The following GLRA1 variants were observed in gnomAD, a reference collection of about 807,000 sequenced individuals.
GLRA1 encodes glycine receptor subunit alpha-1.
GLRA1 carries 37 observed loss-of-function variants against 48.3 expected under a neutral mutation model. The ratio of observed to expected loss-of-function variants is 0.77; its 90% CI spans 0.59 to 1.01. The LOEUF is 1.01. GLRA1 is among the 50% of genes least tolerant of loss of function. The pLI, the probability that GLRA1 is intolerant of heterozygous loss-of-function variation, is 0.00. For synonymous variants in GLRA1, 196 were observed against 210.7 expected (o/e 0.93, Z 0.60); for missense variants, 427 against 571.0 (o/e 0.75, Z 2.57).
chr5:151,854,209 A>G (rs1377085247), intron 6 of GLRA1, among the ~76,000 whole-genome samples: 1 of 152,226 alleles, frequency 6.6e-6, no homozygotes, highest in Non-Finnish European at 1.5e-5. Context: ...AGGTTCTGAA[A>G]CATCTCTGAG....
chr5:151,868,829 C>T (rs563373838), intron 3 of GLRA1, among the ~76,000 whole-genome samples: 2 of 152,328 alleles, frequency 1.3e-5, no homozygotes, highest in African/African-American at 4.8e-5. Flanking sequence ...TGCTTGTGGA[C>T]TGCCCAGATC....
intron 1 of GLRA1, among the ~76,000 whole-genome samples, chr5:151,911,166 C>G (rs970721252): frequency 6.6e-6 from 1 of 152,150 alleles, no homozygotes; most frequent in Non-Finnish European, 1.5e-5. Context: ...TTCTGCAAGC[C>G]TTTTTCCTTT....
intron 3 of GLRA1, among the ~76,000 whole-genome samples, chr5:151,863,962 C>T (rs935778552): frequency 4.6e-5 from 7 of 152,152 alleles, no homozygotes; most frequent in Admixed American, 2.0e-4. Flanking sequence ...GACATTTGGC[C>T]TCATAATCTC....
At chr5:151,831,651 CAG>C (rs1297403223) in intron 7 of GLRA1, among the ~76,000 whole-genome samples, 1 of 152,218 alleles carries the variant, frequency 6.6e-6, no homozygotes, top group African/African-American at 2.4e-5. Flanking sequence ...CAGCTCCAGT[CAG>C]GGGCTTATAG....
At chr5:151,862,321 TA>T (rs1753228814) in intron 3 of GLRA1, among the ~76,000 whole-genome samples, 1 of 152,152 alleles carries the variant, frequency 6.6e-6, no homozygotes, top group African/African-American at 2.4e-5. Context: ...CTAAAACCAT[TA>T]AAACCCTAGA....
At chr5:151,862,387 TA>T (rs1368245694) in intron 3 of GLRA1, among the ~76,000 whole-genome samples, 3 of 152,210 alleles carry the variant, frequency 2.0e-5, no homozygotes, top group African/African-American at 7.2e-5. Flanking sequence ...ACTTCATGTC[TA>T]AAACACCAAA....
intron 3 of GLRA1, among the ~76,000 whole-genome samples, chr5:151,878,570 T>C (rs1753684563): frequency 6.6e-6 from 1 of 152,082 alleles, no homozygotes; most frequent in Non-Finnish European, 1.5e-5. Flanking sequence ...GCCCAAAGGC[T>C]TTGGAGAAAA....
chr5:151,882,453 GTTA>G (rs1301733796), intron 3 of GLRA1, among the ~76,000 whole-genome samples: 1 of 152,152 alleles, frequency 6.6e-6, no homozygotes, highest in Admixed American at 6.5e-5. Context: ...TGCTTTTCTT[GTTA>G]TTATACTAAT....
intron 1 of GLRA1, among the ~76,000 whole-genome samples, chr5:151,906,928 T>C (rs757575003): frequency 1.3e-5 from 2 of 152,116 alleles, no homozygotes; most frequent in African/African-American, 2.4e-5. Flanking sequence ...CTGATACATG[T>C]GAGGAAAGAA....
intron 1 of GLRA1, among the ~76,000 whole-genome samples, chr5:151,910,386 C>G (rs538565387): frequency 1.9e-4 from 29 of 152,276 alleles, no homozygotes; most frequent in African/African-American, 7.0e-4. Context: ...TAAAAGTTCC[C>G]CATGGTCTCA....
intron 1 of GLRA1, 137 bp downstream of exon 1, chr5:151,924,357 G>A: frequency 1.4e-6 from 1 of 717,098 alleles, no homozygotes; most frequent in Non-Finnish European, 2.6e-6. Context: ...GAAGGGAGAC[G>A]GGGGATGGAA....
At chr5:151,855,830 T>A (rs1291293541) in intron 5 of GLRA1, among the ~76,000 whole-genome samples, 1 of 152,240 alleles carries the variant, frequency 6.6e-6, no homozygotes, top group African/African-American at 2.4e-5. Flanking sequence ...CAGTCCTCCA[T>A]AAAGTCTACT....
chr5:151,881,837 AG>A (rs1489602465), intron 3 of GLRA1, among the ~76,000 whole-genome samples: 1 of 152,144 alleles, frequency 6.6e-6, no homozygotes, highest in African/African-American at 2.4e-5. Flanking sequence ...CCTGGGAGGT[AG>A]GCAGTTAGGC....
At chr5:151,916,176 A>C (rs558078376) in intron 1 of GLRA1, among the ~76,000 whole-genome samples, 17 of 152,306 alleles carry the variant, frequency 1.1e-4, no homozygotes, top group Admixed American at 1.1e-3. Context: ...CTGTTACCAA[A>C]AGGCAAATCA....
chr5:151,868,479 A>C (rs1753392771), intron 3 of GLRA1, among the ~76,000 whole-genome samples: 1 of 152,222 alleles, frequency 6.6e-6, no homozygotes, highest in Admixed American at 6.5e-5. Context: ...CAGAGAGGTT[A>C]ATGTTACACT....
At chr5:151,914,147 G>A (rs997989882) in intron 1 of GLRA1, among the ~76,000 whole-genome samples, 1 of 152,156 alleles carries the variant, frequency 6.6e-6, no homozygotes, top group African/African-American at 2.4e-5. Flanking sequence ...TATTTCTATT[G>A]TATTCTTTTT....
intron 8 of GLRA1, 82 bp downstream of exon 8, chr5:151,828,839 C>T: frequency 7.2e-7 from 1 of 1,396,538 alleles, no homozygotes; most frequent in African/African-American, 1.4e-5. Context: ...ACCATTGAAA[C>T]AAATAACACA....
rs1476193079 is a variant in GLRA1 at position 151,851,240 on chromosome 5, A to G, written c.912+150T>C. On this transcript the variant is annotated intron_variant, in intron 7 of 8. Transcript: ENST00000274576. ...GGTTTGATGGATCAGAAAAGTGTAG[A>G]ACCTGCAAAGATCTGCAGGATCCTG... 4 of 661,516 alleles carry G rather than the reference A, an allele frequency of 6.0e-6. No individual in the cohort carries two copies. The Admixed American group carries it at 6.8e-5, about 11-fold the overall frequency. 41.0% of individuals were successfully genotyped at this position (661,516 alleles called of 1,614,324 possible). A position where few individuals can be genotyped will look rare whatever the true frequency, so the allele number is the denominator to read the frequency against.
intron 1 of GLRA1, among the ~76,000 whole-genome samples, chr5:151,910,979 G>A (rs1171954203): frequency 1.3e-5 from 2 of 152,148 alleles, no homozygotes; most frequent in Non-Finnish European, 2.9e-5. Flanking sequence ...GTTATCGTAG[G>A]AATTAATAAA....
Sources: gnomAD v4.1 joint callset for allele counts (sites outside exome capture counted in the v4.1 genomes callset) on GRCh38, gnomAD v4.1.1 for gene constraint, MANE v1.5 for transcripts, NCBI Gene and HGNC (gene_info 2026-07-23, HGNC 2026-07-21) for gene names.